KIRREL3: variants seen among roughly 807,000 people sequenced by gnomAD.
KIRREL3 encodes kirre like nephrin family adhesion molecule 3.
In KIRREL3, 36 loss-of-function variants were observed where a neutral mutation model predicts 89.7. That is an observed-to-expected ratio of 0.40 (90% CI 0.31 to 0.53). KIRREL3 has a LOEUF of 0.53. KIRREL3 is among the 20% of genes least tolerant of loss of function. KIRREL3 has a pLI of 0.49. For synonymous variants in KIRREL3, 445 were observed against 441.4 expected (o/e 1.01, Z -0.10); for missense variants, 864 against 1,056.6 (o/e 0.82, Z 2.53).
intron 1 of KIRREL3, among the ~76,000 whole-genome samples, chr11:126,851,611 A>G (rs1193653702): frequency 6.6e-6 from 1 of 152,100 alleles, no homozygotes; most frequent in Non-Finnish European, 1.5e-5. Context: ...CCTGGGAACC[A>G]CATCCTGAAC....
At chr11:126,625,818 G>A (rs975861854) in intron 1 of KIRREL3, among the ~76,000 whole-genome samples, 11 of 152,220 alleles carry the variant, frequency 7.2e-5, no homozygotes, top group South Asian at 4.1e-4. Flanking sequence ...CCATCCCCAC[G>A]TCTCCAGGGT....
At chr11:126,438,474 C>A (rs2134170541) in intron 11 of KIRREL3, among the ~76,000 whole-genome samples, 1 of 152,336 alleles carries the variant, frequency 6.6e-6, no homozygotes, top group African/African-American at 2.4e-5. Flanking sequence ...GTCAGCAGCA[C>A]CCTGGCCTCT....
Position 126,989,971 on chromosome 11 carries a change from GTTTGT to G in KIRREL3, c.55+10479_55+10483del, listed in dbSNP as rs557447455. On this transcript the variant is annotated intron_variant, in intron 1 of 16. Coordinates refer to ENST00000525144, the MANE Select transcript of KIRREL3 (RefSeq NM_032531.4). This position sits in a 1 kb window ranked among gnomAD's most constrained non-coding sequence, Gnocchi z 6.2. Reference sequence around the variant, plus strand: ...ATAATGAAGCCTCATTTTAGCATCTGTTTGTTTTGTTTTTTCAGCATTTGCGGGGA... The same window carrying G: ...ATAATGAAGCCTCATTTTAGCATCTGTTTGTTTTTTCAGCATTTGCGGGGA... 2.8e-3 allele frequency among the ~76,000 whole-genome samples: 427 copies of G among 152,336 alleles called. 3 individuals are homozygous for G. Among genetic ancestry groups the G allele is most frequent in the African/African-American group, 9.2e-3 (383 of 41,580 alleles).
At chr11:126,506,091 C>A (rs947253418) in intron 4 of KIRREL3, among the ~76,000 whole-genome samples, 1 of 152,118 alleles carries the variant, frequency 6.6e-6, no homozygotes, top group Non-Finnish European at 1.5e-5. Flanking sequence ...AATTTAGGGC[C>A]TTCACAAATC....
chr11:126,819,431 G>A (rs945809276), intron 1 of KIRREL3, among the ~76,000 whole-genome samples: 1 of 152,214 alleles, frequency 6.6e-6, no homozygotes, highest in African/African-American at 2.4e-5. Context: ...GCATAATAAG[G>A]TGTGGAGGAG....
In KIRREL3 at chr11:126,564,277, T is replaced by C. The variant is rs1268066441; in HGVS notation, c.56-1365A>G. On this transcript the variant is annotated intron_variant, in intron 1 of 16. Coordinates refer to ENST00000525144, the MANE Select transcript of KIRREL3 (RefSeq NM_032531.4). This position sits in a 1 kb window ranked among gnomAD's most constrained non-coding sequence, Gnocchi z 7.4. ...CGGAGCGGGTCATTCCTCTTTCTCC[T>C]CTTCCATCCACCGTCTGCAGCCCAG... is the stretch of plus-strand genomic sequence containing the variant. Among the ~76,000 whole-genome samples the C allele has an allele frequency of 6.6e-6, 1 of 152,160 alleles. No homozygotes were observed. Among genetic ancestry groups the C allele is most frequent in the Admixed American group, 6.5e-5 (1 of 15,280 alleles).
At position 126,812,040 on chromosome 11, in the gene KIRREL3, G is replaced by A. The variant is rs899762811; in HGVS notation, c.55+188415C>T. ...TGGTGGCAAATATGAGCAGGTTAAG[G>A]CACTTTTCGGGATTAGAGAATCTTC... On this transcript the variant is annotated intron_variant, in intron 1 of 16. Coordinates refer to ENST00000525144, the MANE Select transcript of KIRREL3 (RefSeq NM_032531.4). The surrounding 1 kb of genome is among the most constrained non-coding windows in gnomAD (Gnocchi z 5.2). Among the ~76,000 whole-genome samples, 1 of 152,124 alleles carries A rather than the reference G, an allele frequency of 6.6e-6. No homozygotes were observed. Among genetic ancestry groups the A allele is most frequent in the Non-Finnish European group, 1.5e-5 (1 of 68,034 alleles).
At chr11:126,975,406 T>A (rs1391679209) in intron 1 of KIRREL3, among the ~76,000 whole-genome samples, 1 of 152,312 alleles carries the variant, frequency 6.6e-6, no homozygotes, top group South Asian at 2.1e-4. Flanking sequence ...TTCTTTCTCC[T>A]ACCCCCCTGA....
In KIRREL3 at chr11:126,607,287, T is replaced by G. The variant is rs540281202; in HGVS notation, c.56-44375A>C. Among the ~76,000 whole-genome samples the G allele has an allele frequency of 1.3e-5, 2 of 152,330 alleles. No individual in the cohort carries two copies. Among genetic ancestry groups the G allele is most frequent in the East Asian group, 3.9e-4 (2 of 5,170 alleles). ...CGGCCAGAGGGGCAAGGCGAGGAAG[T>G]CGCCATAACACATTTGGTGTGGTTT... On this transcript the variant is annotated intron_variant, in intron 1 of 16. Transcript: ENST00000525144. This position sits in a 1 kb window ranked among gnomAD's most constrained non-coding sequence, Gnocchi z 6.6.
chr11:126,570,107 T>C lies in KIRREL3; in HGVS notation c.56-7195A>G, dbSNP rs1940813117. ...ATTAATCCTGACTAGTGCCTGGCCC[T>C]GGACCTCCAGGACGAGTGATAAATG... On this transcript the variant is annotated intron_variant, in intron 1 of 16. Transcript: ENST00000525144. The surrounding 1 kb of genome is among the most constrained non-coding windows in gnomAD (Gnocchi z 6.1). Among the ~76,000 whole-genome samples the C allele has an allele frequency of 6.6e-6, 1 of 152,162 alleles. No homozygotes were observed. The highest frequency in any genetic ancestry group is 1.5e-5 in the Non-Finnish European group (1 of 68,028).
At chr11:126,836,438 C>G (rs1232604646) in intron 1 of KIRREL3, among the ~76,000 whole-genome samples, 3 of 151,422 alleles carry the variant, frequency 2.0e-5, no homozygotes, top group African/African-American at 7.3e-5. Context: ...TGATAAGGGT[C>G]TGAGCCAAGC....
chr11:126,821,351 A>ATGTGTGTG (rs1555047585), intron 1 of KIRREL3, among the ~76,000 whole-genome samples: 4 of 105,256 alleles, frequency 3.8e-5, no homozygotes, highest in East Asian at 3.4e-4. Flanking sequence ...ATATATATAT[A>ATGTGTGTG]TGTAACTTCC....
intron 1 of KIRREL3, among the ~76,000 whole-genome samples, chr11:126,699,430 T>C (rs1947227523): frequency 6.6e-6 from 1 of 152,220 alleles, no homozygotes; most frequent in African/African-American, 2.4e-5. Flanking sequence ...CAACATCTAA[T>C]AGAAATATAA....
intron 1 of KIRREL3, among the ~76,000 whole-genome samples, chr11:126,930,474 G>C (rs1407134363): frequency 6.6e-6 from 1 of 152,146 alleles, no homozygotes; most frequent in African/African-American, 2.4e-5. Context: ...TGCGGAGGTA[G>C]CTGCCAGTCT....
At position 126,643,047 on chromosome 11, in the gene KIRREL3, G is replaced by T. The variant is rs1367323593; in HGVS notation, c.56-80135C>A. ...CCATCCATCCAATGCAAGGCATATT[G>T]TAATAAAGGAGACACAACTCTAGGC... On this transcript the variant is annotated intron_variant, in intron 1 of 16. Coordinates refer to ENST00000525144, the MANE Select transcript of KIRREL3 (RefSeq NM_032531.4). This position sits in a 1 kb window ranked among gnomAD's most constrained non-coding sequence, Gnocchi z 4.5. 6.8e-6 allele frequency among the ~76,000 whole-genome samples: 1 copy of T among 147,188 alleles called. No homozygotes were observed. The highest frequency in any genetic ancestry group is 1.5e-5 in the Non-Finnish European group (1 of 66,422).
At chr11:126,451,431 TGCATGTGTGTGTCCAAGTGCATGC>T (rs1956153061) in intron 7 of KIRREL3, among the ~76,000 whole-genome samples, 1 of 150,270 alleles carries the variant, frequency 6.7e-6, no homozygotes, top group Admixed American at 6.6e-5. Context: ...TGTGAGCGTG[TGCATGTGTGTGTCCAAGTGCATGC>T]GCATGTGTGG....
In KIRREL3 at chr11:126,750,544, G is replaced by C. The variant is rs772951218; in HGVS notation, c.56-187632C>G. 2.0e-5 allele frequency among the ~76,000 whole-genome samples: 3 copies of C among 152,188 alleles called. No individual in the cohort carries two copies. Among genetic ancestry groups the C allele is most frequent in the Non-Finnish European group, 4.4e-5 (3 of 68,046 alleles). ...GCTAGGCTTTTCTTAGGGCAACTGG[G>C]CTGGGCCAGGGTCACTAGCCTGAGC... On this transcript the variant is annotated intron_variant, in intron 1 of 16. Transcript: ENST00000525144. The surrounding 1 kb of genome is among the most constrained non-coding windows in gnomAD (Gnocchi z 4.2).
intron 1 of KIRREL3, among the ~76,000 whole-genome samples, chr11:126,572,772 G>T (rs115969662): frequency 3.4e-3 from 511 of 152,270 alleles, no homozygotes; most frequent in African/African-American, 0.012. Context: ...CAGGGGCGGG[G>T]CTGCTATTTA....
intron 1 of KIRREL3, among the ~76,000 whole-genome samples, chr11:126,968,435 T>G (rs947844805): frequency 3.9e-5 from 6 of 152,172 alleles, no homozygotes; most frequent in Admixed American, 3.9e-4. Context: ...GGGTTTGGAT[T>G]TTTTACAGAG....
Sources: gnomAD v4.1 joint callset for allele counts (sites outside exome capture counted in the v4.1 genomes callset) on GRCh38, gnomAD v4.1.1 for gene constraint, Gnocchi (gnomAD v3.1) non-coding constraint, MANE v1.5 for transcripts, NCBI Gene and HGNC (gene_info 2026-07-23, HGNC 2026-07-21) for gene names.